The following EHD1 variants were observed in gnomAD, a reference collection of about 807,000 sequenced individuals.
EHD1 encodes EH domain-containing protein 1.
A neutral mutation model predicts 39.0 loss-of-function variants in EHD1; 19 were observed. The ratio of observed to expected loss-of-function variants is 0.49; its 90% CI spans 0.34 to 0.72. The LOEUF is 0.72. Ranked by LOEUF, EHD1 falls within the 30% of genes least tolerant of loss-of-function variation. The pLI is 0.01. For missense variants in EHD1, 542 were observed against 751.5 expected (o/e 0.72, Z 3.26); for synonymous variants, 323 against 331.2 (o/e 0.98, Z 0.27).
chr11:64,878,847 G>A (rs1228493037), upstream of EHD1: 9 of 1,114,208 alleles, frequency 8.1e-6, no homozygotes, highest in African/African-American at 1.7e-5. Flanking sequence ...GTTTCGCCCC[G>A]CCCCTCGTAG....
chr11:64,870,691 G>A (rs562240615), intron 2 of EHD1, among the ~76,000 whole-genome samples: 47 of 152,338 alleles, frequency 3.1e-4, no homozygotes, highest in African/African-American at 1.0e-3. Context: ...AGGCCCCGCC[G>A]GGGGATGACT....
chr11:64,858,073 T>G (rs1435805902), intron 3 of EHD1, among the ~76,000 whole-genome samples: 1 of 148,414 alleles, frequency 6.7e-6, no homozygotes, highest in African/African-American at 2.5e-5. Context: ...AGGGTCTCAC[T>G]AGGTTGCTCA....
chr11:64,864,813 T>C (rs1338148069), intron 2 of EHD1, among the ~76,000 whole-genome samples: 1 of 152,176 alleles, frequency 6.6e-6, no homozygotes, highest in Non-Finnish European at 1.5e-5. Context: ...ATGTTAGCTT[T>C]GGCCTGGGAG....
At chr11:64,870,414 C>T (rs1943815617) in intron 2 of EHD1, among the ~76,000 whole-genome samples, 1 of 152,212 alleles carries the variant, frequency 6.6e-6, no homozygotes, top group Admixed American at 6.5e-5. Context: ...TTTCCTAAGC[C>T]TCTGCTTCCT....
In EHD1 at chr11:64,874,551, C is replaced by A. The variant is rs201182602; in HGVS notation, c.405-33G>T. The A allele has an allele frequency of 3.7e-5, 57 of 1,545,038 alleles. 1 individual carries two copies. The East Asian group carries it at 1.3e-3, about 36-fold the overall frequency. On this transcript the variant is annotated intron_variant, in intron 1 of 4. Coordinates refer to ENST00000320631, the MANE Select transcript of EHD1 (RefSeq NM_006795.4). ...AGAGCAAGAGCCAGAAGAGAGGCGT[C>A]AAGACACAGTCATCACTGCTCCGGA... is the stretch of plus-strand genomic sequence containing the variant.
At chr11:64,874,354 T>C (rs983393939) in intron 2 of EHD1, 67 bp downstream of exon 2, 9 of 1,331,294 alleles carry the variant, frequency 6.8e-6, no homozygotes, top group East Asian at 2.5e-5. Flanking sequence ...CTGAACCAAG[T>C]TGCAGATCTT....
rs188385079 is a variant in EHD1 at position 64,860,589 on chromosome 11, C to T, written c.503-253G>A. Among the ~76,000 whole-genome samples the T allele has an allele frequency of 6.6e-5, 10 of 151,384 alleles. No homozygotes were observed. In the East Asian group the frequency reaches 1.4e-3, roughly 21 times the overall value. Reference sequence around the variant, plus strand: ...CTCCACTAAAAATACACAAATTAGCCGGGCAGGGTGGCGCGAGCACTCAGG... The same window carrying T: ...CTCCACTAAAAATACACAAATTAGCTGGGCAGGGTGGCGCGAGCACTCAGG... On this transcript the variant is annotated intron_variant, in intron 2 of 4. Transcript: ENST00000320631.
At chr11:64,872,149 C>T (rs560074969) in intron 2 of EHD1, among the ~76,000 whole-genome samples, 2 of 152,284 alleles carry the variant, frequency 1.3e-5, no homozygotes, top group East Asian at 3.9e-4. Context: ...CGCCTGTGGG[C>T]CCAGCTACTC....
At chr11:64,855,536 C>A in intron 3 of EHD1, 50 bp from the exon 4 acceptor site, 2 of 1,607,166 alleles carry the variant, frequency 1.2e-6, no homozygotes, top group Non-Finnish European at 1.7e-6. Flanking sequence ...AGGCTGCCCC[C>A]GAGAGCAGAG....
intron 3 of EHD1, among the ~76,000 whole-genome samples, chr11:64,859,305 A>G (rs1943687701): frequency 6.6e-6 from 1 of 152,146 alleles, no homozygotes; most frequent in Non-Finnish European, 1.5e-5. Flanking sequence ...AGATCACCTG[A>G]GATCAGGAGT....
upstream of EHD1, chr11:64,879,572 T>A: frequency 6.4e-7 from 1 of 1,550,700 alleles, no homozygotes; most frequent in Non-Finnish European, 8.7e-7. Context: ...CACCACCATT[T>A]ACCATCATTT....
Position 64,868,207 on chromosome 11 carries a change from G to T in EHD1, c.502+6214C>A, listed in dbSNP as rs900647591. Among the ~76,000 whole-genome samples the T allele has an allele frequency of 9.2e-5, 14 of 152,270 alleles. No individual in the cohort carries two copies. Among genetic ancestry groups the T allele is most frequent in the African/African-American group, 3.1e-4 (13 of 41,540 alleles). ...TTTTGTTTCCTGTCATTCAAGCTGC[G>T]TGGGCTTCAGTATTTCTCGCCCTAG... On this transcript the variant is annotated intron_variant, in intron 2 of 4. Coordinates refer to ENST00000320631, the MANE Select transcript of EHD1 (RefSeq NM_006795.4). This position sits in a 1 kb window ranked among gnomAD's most constrained non-coding sequence, Gnocchi z 4.2.
chr11:64,870,948 C>T (rs1250385662), intron 2 of EHD1, among the ~76,000 whole-genome samples: 5 of 152,212 alleles, frequency 3.3e-5, no homozygotes, highest in Non-Finnish European at 7.4e-5. Context: ...CCCTTCTCGT[C>T]CCTGAGGCAG....
In EHD1 at chr11:64,860,356, G is replaced by A; in HGVS notation, c.503-20C>T. 6.3e-7 allele frequency: 1 copy of A among 1,596,282 alleles called. No individual in the cohort carries two copies. The highest frequency in any genetic ancestry group is 8.6e-7 in the Non-Finnish European group (1 of 1,167,804). ...CATAGCCTGGGGGGAAGAGAAGGGA[G>A]AGCTCAGGGGCGCCAAGGGACCTGC... On this transcript the variant is annotated intron_variant, in intron 2 of 4. Transcript: ENST00000320631.
intron 2 of EHD1, among the ~76,000 whole-genome samples, chr11:64,870,076 G>C (rs888604479): frequency 3.7e-4 from 57 of 152,350 alleles, no homozygotes; most frequent in African/African-American, 1.4e-3. Flanking sequence ...TTTATGGCTG[G>C]GAACAGGGAA....
At chr11:64,859,246 A>G (rs1202521144) in intron 3 of EHD1, among the ~76,000 whole-genome samples, 3 of 152,372 alleles carry the variant, frequency 2.0e-5, no homozygotes, top group African/African-American at 7.2e-5. Flanking sequence ...CTTCAGGCTC[A>G]GTAAACCCCA....
chr11:64,873,759 C>A (rs185030959), intron 2 of EHD1, among the ~76,000 whole-genome samples: 29 of 151,902 alleles, frequency 1.9e-4, no homozygotes, highest in Non-Finnish European at 3.2e-4. Flanking sequence ...TCACTGCAAG[C>A]TCTACCTCCT....
chr11:64,878,916 G>T (rs1943923640), upstream of EHD1: 1 of 1,024,600 alleles, frequency 9.8e-7, no homozygotes, highest in South Asian at 3.9e-5. Context: ...GGCGGAGACG[G>T]CCTCTGGGCC....
intron 3 of EHD1, among the ~76,000 whole-genome samples, chr11:64,858,190 C>CTTTTT (rs10674960): frequency 0.77 from 110,197 of 142,412 alleles, 44,337 homozygotes; most frequent in Non-Finnish European, 0.88. Context: ...TATTTCTTTT[C>CTTTTT]TTTTTTTTTG....
Sources: gnomAD v4.1 joint callset for allele counts (sites outside exome capture counted in the v4.1 genomes callset) on GRCh38, gnomAD v4.1.1 for gene constraint, Gnocchi (gnomAD v3.1) non-coding constraint, MANE v1.5 for transcripts, NCBI Gene and HGNC (gene_info 2026-07-23, HGNC 2026-07-21) for gene names.